NOX5: variants seen among roughly 807,000 people sequenced by gnomAD.
NOX5 encodes the protein NADPH oxidase, EF-hand calcium binding domain 5.
Under a neutral mutation model 85.7 loss-of-function variants are expected in NOX5, and 76 were observed. The ratio of observed to expected loss-of-function variants is 0.89; its 90% confidence interval spans 0.74 to 1.07. NOX5 has a LOEUF of 1.07. Ranked by LOEUF, NOX5 falls within the 50% of genes least tolerant of loss-of-function variation. The probability of loss-of-function intolerance (pLI) is 0.00; values close to 1 mark genes in which losing one functional copy is unlikely to be tolerated. For missense variants in NOX5, 973 were observed against 999.5 expected (o/e 0.97, Z 0.36); for synonymous variants, 405 against 401.4 (o/e 1.01, Z -0.11).
At chr15:69,020,869 T>A (rs1241970150) in intron 1 of NOX5, among the ~76,000 whole-genome samples, 2 of 152,104 alleles carry the variant, frequency 1.3e-5, no homozygotes, top group Non-Finnish European at 2.9e-5. Context: ...ATAGTTTTAA[T>A]TAAGAATGAA....
chr15:69,056,709 A>G lies in NOX5; in HGVS notation c.*13A>G. On this transcript the variant is annotated 3_prime_UTR_variant, in exon 16 of 16. Coordinates refer to ENST00000388866, the MANE Select transcript of NOX5 (RefSeq NM_024505.4). ...AGAGAATTTCTAGCCTCACCTCTCC[A>G]AGCTCTGCCCCAAGTCCACACCATG... The G allele has an allele frequency of 6.2e-7, 1 of 1,613,056 alleles. No individual in the cohort carries two copies. The highest frequency in any genetic ancestry group is 8.5e-7 in the Non-Finnish European group (1 of 1,179,800).
At chr15:69,044,445 A>G (rs1228464804) in intron 10 of NOX5, among the ~76,000 whole-genome samples, 2 of 152,226 alleles carry the variant, frequency 1.3e-5, no homozygotes, top group African/African-American at 2.4e-5. Flanking sequence ...AGAGGTAGGG[A>G]TGGGAAAAGT....
chr15:69,031,739 G>C lies in NOX5; in HGVS notation c.547G>C (p.Gly183Arg), dbSNP rs752341477. The C allele has an allele frequency of 1.2e-5, 19 of 1,612,654 alleles. No homozygotes were observed. Among genetic ancestry groups the C allele is most frequent in the Admixed American group, 5.0e-5 (3 of 59,950 alleles). The stretch of plus-strand genomic sequence containing the variant: ...CGAATCGGCCGACGCGGACGGCAAC[G>C]GGGCCATCACCTTCGAGGAGCTCCG... ...LFESADADGN[G>R]AITFEELRDE... is the part of the protein sequence containing the mutation. The change falls in exon 4 of 16, where the codon GGG becomes CGG. Residue 183 changes from glycine (G) to arginine (R), a missense_variant. Coordinates refer to ENST00000388866, the MANE Select transcript of NOX5 (RefSeq NM_024505.4).
chr15:69,028,182 A>T (rs2050383426), intron 2 of NOX5, 33 bp from the exon 3 acceptor site: 1 of 1,553,002 alleles, frequency 6.4e-7, no homozygotes, highest in Non-Finnish European at 8.7e-7. Flanking sequence ...CTGCGGCCAC[A>T]GTTGTGCTGT....
intron 12 of NOX5, 140 bp downstream of exon 12, chr15:69,047,677 C>T: frequency 7.5e-7 from 1 of 1,333,168 alleles, no homozygotes; most frequent in South Asian, 1.4e-5. Context: ...CTCTCCTGCT[C>T]TGCCCCCCTC....
chr15:69,032,692 T>G (rs1158226139), intron 4 of NOX5, among the ~76,000 whole-genome samples: 1 of 152,368 alleles, frequency 6.6e-6, no homozygotes, highest in South Asian at 2.1e-4. Context: ...ATTACAGACG[T>G]GAGCCACTGC....
chr15:69,047,253 G>A (rs558828287), intron 11 of NOX5, 160 bp from the exon 12 acceptor site: 1 of 851,154 alleles, frequency 1.2e-6, no homozygotes, highest in South Asian at 2.1e-5. Flanking sequence ...ACAGGATGTG[G>A]AAAGAGCACT....
At position 69,061,533 on chromosome 15, in the gene NOX5, A is replaced by G. The variant is rs1299344373; in HGVS notation, c.*4837A>G. The G allele has an allele frequency of 6.6e-6, 1 of 152,282 alleles. No individual in the cohort carries two copies. The highest frequency in any genetic ancestry group is 2.1e-4 in the South Asian group (1 of 4,834). The allele number at this position is 152,282 out of a possible 1,614,324, so 9.4% of individuals were successfully genotyped here. ...ACCAGCCTTCCTGACAGATTGATGC[A>G]TCTTTTTATGATCTGTCTTTACAAT... On this transcript the variant is annotated 3_prime_UTR_variant, in exon 16 of 16. Coordinates refer to ENST00000388866, the MANE Select transcript of NOX5 (RefSeq NM_024505.4).
At position 69,026,670 on chromosome 15, in the gene NOX5, T is replaced by G; in HGVS notation, c.174+19T>G. ...GAAAGAGGCAAGTGTTGGGCCAAGGTGGAAGCCCTGCATTTATCGTTATGT... is the reference window on the plus strand; with the variant it reads ...GAAAGAGGCAAGTGTTGGGCCAAGGGGGAAGCCCTGCATTTATCGTTATGT... On this transcript the variant is annotated intron_variant, in intron 2 of 15. Coordinates refer to ENST00000388866, the MANE Select transcript of NOX5 (RefSeq NM_024505.4). The G allele has an allele frequency of 3.1e-6, 5 of 1,613,780 alleles. No individual in the cohort carries two copies. The highest frequency in any genetic ancestry group is 4.2e-6 in the Non-Finnish European group (5 of 1,179,864).
chr15:69,033,688 CTTTCTTTTT>C (rs1386111786), intron 5 of NOX5, among the ~76,000 whole-genome samples: 51 of 138,774 alleles, frequency 3.7e-4, no homozygotes, highest in African/African-American at 1.2e-3. Context: ...TTTTTTTTTT[CTTTCTTTTT>C]TTTCTTTTTT....
intron 13 of NOX5, 116 bp downstream of exon 13, chr15:69,048,027 C>T (rs143181606): frequency 4.8e-6 from 4 of 833,830 alleles, no homozygotes; most frequent in Non-Finnish European, 5.8e-6. Flanking sequence ...CTAATGGGAT[C>T]TTTCTTTCCC....
chr15:69,058,783 G>A lies in NOX5; in HGVS notation c.*2087G>A, dbSNP rs1406109006. ...CTTGGAACCTCTTTCCCTCTGTTGA[G>A]TCTGTACTTTCCCCTCTTCATCAGG... is the stretch of plus-strand genomic sequence containing the variant. On this transcript the variant is annotated 3_prime_UTR_variant, in exon 16 of 16. Coordinates refer to ENST00000388866, the MANE Select transcript of NOX5 (RefSeq NM_024505.4). The A allele has an allele frequency of 6.6e-6, 1 of 152,212 alleles. No homozygotes were observed. Among genetic ancestry groups the A allele is most frequent in the East Asian group, 1.9e-4 (1 of 5,182 alleles). 9.4% of individuals were successfully genotyped at this position (152,212 alleles called of 1,614,324 possible). A position where few individuals can be genotyped will look rare whatever the true frequency, so the allele number is the denominator to read the frequency against.
At chr15:69,044,576 C>A (rs1175316854) in intron 10 of NOX5, among the ~76,000 whole-genome samples, 1 of 151,844 alleles carries the variant, frequency 6.6e-6, no homozygotes, top group Non-Finnish European at 1.5e-5. Flanking sequence ...ATTAAGTCTC[C>A]TAAAAAAAAT....
intron 9 of NOX5, among the ~76,000 whole-genome samples, chr15:69,039,357 C>G (rs1336552175): frequency 2.3e-5 from 3 of 132,606 alleles, no homozygotes; most frequent in South Asian, 5.0e-4. Flanking sequence ...GAAGAGTCTT[C>G]TGTAACTAGA....
rs1375277915 is a variant in NOX5, at chr15:69,045,607, TTC to T, written c.1648-1202_1648-1201del. On this transcript the variant is annotated intron_variant, in intron 10 of 15. Coordinates refer to ENST00000388866, the MANE Select transcript of NOX5 (RefSeq NM_024505.4). ...TTTTCTTTCTTTCTTTCTTTTTTTT[TTC>T]TCTCTCTCTCTCCTTCCTTCCTTCC... Among the ~76,000 whole-genome samples, 127 of 78,412 alleles carry T rather than the reference TTC, an allele frequency of 1.6e-3. 1 individual carries two copies. The highest frequency in any genetic ancestry group is 7.4e-3 in the African/African-American group (117 of 15,714). 51.4% of individuals were successfully genotyped at this position (78,412 alleles called of 152,430 possible). A position where few individuals can be genotyped will look rare whatever the true frequency, so the allele number is the denominator to read the frequency against.
At chr15:69,036,320 C>T (rs2050515905) in intron 7 of NOX5, among the ~76,000 whole-genome samples, 1 of 149,934 alleles carries the variant, frequency 6.7e-6, no homozygotes, top group Non-Finnish European at 1.5e-5. Flanking sequence ...GTGTAATTCT[C>T]TATGTTATTT....
intron 13 of NOX5, 110 bp from the exon 14 acceptor site, chr15:69,048,849 A>G: frequency 1.5e-6 from 1 of 680,438 alleles, no homozygotes; most frequent in South Asian, 2.0e-5. Context: ...GGGTATCTGA[A>G]TGTTCCCTGC....
chr15:69,043,649 G>A (rs953387506), intron 10 of NOX5: 4 of 152,244 alleles, frequency 2.6e-5, no homozygotes, highest in Admixed American at 6.5e-5. Context: ...GAAGCAGAAC[G>A]TTCTCGGCTG....
chr15:69,028,295 A>C lies in NOX5; in HGVS notation c.255A>C (p.Ala85=). The C allele has an allele frequency of 6.2e-7, 1 of 1,613,656 alleles. No homozygotes were observed. The highest frequency in any genetic ancestry group is 2.2e-5 in the East Asian group (1 of 44,834). Residue 85 remains alanine, a synonymous_variant, in exon 3 of 16, where the codon GCA becomes GCC. Transcript: ENST00000388866. ...TCACCCTCCAGGAGCTGCAGGAGGCACTGACCCTGCTCATCCATGGCAGCC... is the reference window on the plus strand; with the variant it reads ...TCACCCTCCAGGAGCTGCAGGAGGCCCTGACCCTGCTCATCCATGGCAGCC... ...GTITLQELQE[A]LTLLIHGSPM...
Sources: gnomAD v4.1 joint callset for allele counts (sites outside exome capture counted in the v4.1 genomes callset) on GRCh38, gnomAD v4.1.1 for gene constraint, MANE v1.5 for transcripts, NCBI Gene and HGNC (gene_info 2026-07-23, HGNC 2026-07-21) for gene names.